Variants in MOCS1 observed in about 807,000 individuals in gnomAD.
The protein encoded by MOCS1 is molybdenum cofactor synthesis 1.
MOCS1 carries 39 observed loss-of-function variants against 57.6 expected under a neutral mutation model. The observed-to-expected ratio is 0.68, with a 90% CI of 0.52 to 0.88. The LOEUF is 0.88. Among genes scored for constraint, MOCS1 ranks in the 40% least tolerant of loss-of-function variants. The pLI is 0.00. For synonymous variants in MOCS1, 334 were observed against 335.7 expected, an observed-to-expected ratio of 1.00 and a Z score of 0.05; for missense variants, 795 against 831.1, an observed-to-expected ratio of 0.96 and a Z score of 0.53.
At chr6:39,922,948 CCTGCCCTTCAAGG>C (rs1169411698) in intron 3 of MOCS1, among the ~76,000 whole-genome samples, 3 of 152,198 alleles carry the variant, frequency 2.0e-5, no homozygotes, top group Non-Finnish European at 2.9e-5. Flanking sequence ...ACCCATCTGC[CCTGCCCTTCAAGG>C]CTGCTTTGCT....
chr6:39,923,311 C>T (rs1768081214), intron 3 of MOCS1, among the ~76,000 whole-genome samples: 2 of 152,212 alleles, frequency 1.3e-5, no homozygotes, highest in African/African-American at 4.8e-5. Flanking sequence ...AAACTGAGGC[C>T]CTCGGTGGGG....
chr6:39,913,509 A>C, intron 5 of MOCS1, 81 bp from the exon 6 acceptor site: 1 of 1,234,588 alleles, frequency 8.1e-7, no homozygotes, highest in Non-Finnish European at 1.2e-6. Flanking sequence ...CCTGGCACTC[A>C]CTGAGGCCTT....
At chr6:39,918,213 G>C (rs965099701) in intron 3 of MOCS1, among the ~76,000 whole-genome samples, 4 of 152,190 alleles carry the variant, frequency 2.6e-5, no homozygotes, top group African/African-American at 9.7e-5. Context: ...CACCAGACCA[G>C]TTGTTTCCAA....
Position 39,906,295 on chromosome 6 carries a change from C to A in MOCS1, c.*62G>T. ...TGATTAAAGGAACCTGACGTCTTTC[C>A]CTCAGCCTACATTGCATCCCAGCTC... On this transcript the variant is annotated 3_prime_UTR_variant, in exon 11 of 11. Coordinates refer to ENST00000340692, the MANE Select transcript of MOCS1 (RefSeq NM_001358530.2). 1 of 1,595,070 alleles carries A rather than the reference C, an allele frequency of 6.3e-7. No homozygotes were observed. Among genetic ancestry groups the A allele is most frequent in the South Asian group, 1.1e-5 (1 of 90,396 alleles).
At position 39,904,686 on chromosome 6, in the gene MOCS1, G is replaced by C. The variant is rs1766715336; in HGVS notation, c.*1671C>G. On this transcript the variant is annotated 3_prime_UTR_variant, in exon 11 of 11. Coordinates refer to ENST00000340692, the MANE Select transcript of MOCS1 (RefSeq NM_001358530.2). ...TCCCATTTCCACCAACTGGGGAACT[G>C]TGACTATCTATCTCCCCCGACTTCT... is the stretch of plus-strand genomic sequence containing the variant. 1 of 453,158 alleles carries C rather than the reference G, an allele frequency of 2.2e-6. No individual in the cohort carries two copies. The highest frequency in any genetic ancestry group is 2.0e-5 in the African/African-American group (1 of 49,224). 28.1% of individuals were successfully genotyped at this position (453,158 alleles called of 1,614,324 possible). A position where few individuals can be genotyped will look rare whatever the true frequency, so the allele number is the denominator to read the frequency against.
intron 1 of MOCS1, among the ~76,000 whole-genome samples, chr6:39,932,644 T>G (rs750365629): frequency 6.6e-6 from 1 of 152,176 alleles, no homozygotes; most frequent in Admixed American, 6.5e-5. Context: ...CCTAATGAGA[T>G]GTCCAGGATT....
rs1766791640 is a variant in MOCS1 at position 39,905,216 on chromosome 6, A to G, written c.*1141T>C. ...GGGATGTGAGAACCAGGAGCCTCTA[A>G]TTAATTGCCCTCTCTGATCTCTCTA... is the stretch of plus-strand genomic sequence containing the variant. On this transcript the variant is annotated 3_prime_UTR_variant, in exon 11 of 11. Coordinates refer to ENST00000340692, the MANE Select transcript of MOCS1 (RefSeq NM_001358530.2). 2.2e-6 allele frequency: 1 copy of G among 454,032 alleles called. No homozygotes were observed. Among genetic ancestry groups the G allele is most frequent in the Admixed American group, 2.4e-5 (1 of 42,540 alleles). The allele number at this position is 454,032 out of a possible 1,614,324, so 28.1% of individuals were successfully genotyped here.
rs549404188 is a variant in MOCS1, at chr6:39,908,631, G to A, written c.1150+424C>T. Among the ~76,000 whole-genome samples the A allele has an allele frequency of 8.5e-5, 13 of 152,270 alleles. No homozygotes were observed. The South Asian group carries it at 2.1e-3, about 24-fold the overall frequency. On this transcript the variant is annotated intron_variant, in intron 10 of 10. Coordinates refer to ENST00000340692, the MANE Select transcript of MOCS1 (RefSeq NM_001358530.2). Reference sequence around the variant, plus strand: ...CAGACGTCTGGCCACACATCCACCCGTGGGGGCTCATGGTCCAGATACACC... The same window carrying A: ...CAGACGTCTGGCCACACATCCACCCATGGGGGCTCATGGTCCAGATACACC...
At chr6:39,930,133 T>G (rs143169959) in intron 1 of MOCS1, among the ~76,000 whole-genome samples, 1 of 152,180 alleles carries the variant, frequency 6.6e-6, no homozygotes, top group Non-Finnish European at 1.5e-5. Context: ...TACTCAGATA[T>G]TAACGAGCCC....
In MOCS1 at chr6:39,913,589, A is replaced by T. The variant is rs2146110; in HGVS notation, c.646-161T>A. On this transcript the variant is annotated intron_variant, in intron 5 of 10. Coordinates refer to ENST00000340692, the MANE Select transcript of MOCS1 (RefSeq NM_001358530.2). ...GTTACGGGATTCCTTGGGGTCACTG[A>T]TTTTCTCGTTTCTCTCAAGGGTCGG... 0.013 allele frequency: 12,422 copies of T among 960,150 alleles called. 1,277 individuals carry two copies. In the East Asian group the frequency reaches 0.25, roughly 19 times the overall value. 59.5% of individuals were successfully genotyped at this position (960,150 alleles called of 1,614,324 possible). A position where few individuals can be genotyped will look rare whatever the true frequency, so the allele number is the denominator to read the frequency against.
chr6:39,930,862 C>T (rs1241670774), intron 1 of MOCS1, among the ~76,000 whole-genome samples: 3 of 152,304 alleles, frequency 2.0e-5, no homozygotes, highest in Non-Finnish European at 4.4e-5. Flanking sequence ...CCTAAATTCT[C>T]GAAACCTTAG....
At position 39,916,144 on chromosome 6, in the gene MOCS1, C is replaced by T; in HGVS notation, c.507G>A (p.Lys169=). The part of the protein sequence containing the change: ...NLARLLPQLQ[K]AGLSAINISL... ...TGATGTTGATGGCACTGAGACCAGC[C>T]TTCTGAAGCTGGGGCAGTAGCCGGG... is the stretch of plus-strand genomic sequence containing the variant. Residue 169 remains lysine, a synonymous_variant, in exon 4 of 11, where the codon AAG becomes AAA. Transcript: ENST00000340692. 6.2e-7 allele frequency: 1 copy of T among 1,614,054 alleles called. No individual in the cohort carries two copies. The highest frequency in any genetic ancestry group is 1.3e-5 in the African/African-American group (1 of 75,056).
chr6:39,921,173 G>A (rs1217119279), intron 3 of MOCS1, among the ~76,000 whole-genome samples: 1 of 152,152 alleles, frequency 6.6e-6, no homozygotes, highest in African/African-American at 2.4e-5. Context: ...GCCGAGGCGG[G>A]TGGATCATGA....
intron 4 of MOCS1, among the ~76,000 whole-genome samples, chr6:39,914,542 C>G (rs1767542567): frequency 6.6e-6 from 1 of 152,202 alleles, no homozygotes; most frequent in African/African-American, 2.4e-5. Context: ...GCTGACTTCT[C>G]ACTGCCCAGT....
rs1283123314 is a variant in MOCS1, at chr6:39,904,795, C to CT, written c.*1561dup. 1 of 454,090 alleles carries CT rather than the reference C, an allele frequency of 2.2e-6. No individual in the cohort carries two copies. The highest frequency in any genetic ancestry group is 2.3e-5 in the Admixed American group (1 of 42,560). 28.1% of individuals were successfully genotyped at this position (454,090 alleles called of 1,614,324 possible). On this transcript the variant is annotated 3_prime_UTR_variant, in exon 11 of 11. Coordinates refer to ENST00000340692, the MANE Select transcript of MOCS1 (RefSeq NM_001358530.2). ...GCTAATGGACATAATCTACAGTGTC[C>CT]TTTTTCACTTGCACCTTTTTTATAA...
In MOCS1 at chr6:39,906,728, G is replaced by A; in HGVS notation, c.1540C>T (p.Leu514=). ...ACAAGCTTGAAGGCTACCGGTCCCA[G>A]GAGGACCACGGCTGAAGCCACAGCC... The part of the protein sequence containing the change: ...RVAVASAVVL[L]GPVAFKLVQQ... Residue 514 remains leucine, a synonymous_variant, in exon 11 of 11, where the codon CTG becomes TTG. Transcript: ENST00000340692. 10 of 1,614,208 alleles carry A rather than the reference G, an allele frequency of 6.2e-6. No homozygotes were observed. Among genetic ancestry groups the A allele is most frequent in the Non-Finnish European group, 7.6e-6 (9 of 1,180,054 alleles).
intron 2 of MOCS1, among the ~76,000 whole-genome samples, chr6:39,926,927 G>C (rs1411824633): frequency 6.6e-6 from 1 of 150,972 alleles, no homozygotes; most frequent in East Asian, 2.0e-4. Flanking sequence ...GGCACCTCCA[G>C]AGTCAGCAGT....
rs763560233 is a variant in MOCS1, at chr6:39,913,871, C to T, written c.584-36G>A. On this transcript the variant is annotated intron_variant, in intron 4 of 10. Coordinates refer to ENST00000340692, the MANE Select transcript of MOCS1 (RefSeq NM_001358530.2). ...GAAACAAGGATCCAGGAACTTCTGTCCTCTCTCCTCTTCCCCCACACCCCC... is the reference window on the plus strand; with the variant it reads ...GAAACAAGGATCCAGGAACTTCTGTTCTCTCTCCTCTTCCCCCACACCCCC... 3.8e-6 allele frequency: 6 copies of T among 1,599,682 alleles called. No homozygotes were observed. The African/African-American group carries it at 5.4e-5, about 14-fold the overall frequency.
chr6:39,933,392 C>T (rs1451582317), intron 1 of MOCS1, among the ~76,000 whole-genome samples: 2 of 152,026 alleles, frequency 1.3e-5, no homozygotes, highest in African/African-American at 2.4e-5. Context: ...ATCTGAGGAT[C>T]CCAGAGGGGC....
Sources: allele counts gnomAD v4.1 joint callset (sites outside exome capture counted in the v4.1 genomes callset), GRCh38; gene constraint gnomAD v4.1.1; transcripts MANE v1.5; gene names NCBI Gene and HGNC (gene_info 2026-07-23, HGNC 2026-07-21).